DRC9: variants seen among roughly 807,000 people sequenced by gnomAD.
DRC9 encodes dynein regulatory complex subunit 9.
At chr3:197,940,139 C>T in the DRC9 span, among the ~76,000 whole-genome samples, 1 of 151,598 alleles carries the variant, frequency 6.6e-6, no homozygotes, top group Non-Finnish European at 1.5e-5. Flanking sequence ...GATTACAGGC[C>T]CACACCATCA....
the DRC9 span, chr3:197,951,146 T>A: frequency 1.0e-4 from 169 of 1,613,980 alleles, no homozygotes; most frequent in Non-Finnish European, 1.4e-4. Flanking sequence ...GTTGTGTATC[T>A]TTTGTGTCTT....
chr3:197,926,829 C>G, the DRC9 span, among the ~76,000 whole-genome samples: 1 of 152,160 alleles, frequency 6.6e-6, no homozygotes, highest in Non-Finnish European at 1.5e-5. Context: ...TGGGGGTCAG[C>G]CTTGCACTGG....
the DRC9 span, among the ~76,000 whole-genome samples, chr3:197,941,269 CCTA>C: frequency 7.8e-6 from 1 of 128,236 alleles, no homozygotes; most frequent in African/African-American, 3.0e-5. Context: ...TCCCTCCCTT[CCTA>C]CCTTCCTCTC....
chr3:197,905,852 A>G, the DRC9 span, among the ~76,000 whole-genome samples: 1 of 152,154 alleles, frequency 6.6e-6, no homozygotes, highest in Non-Finnish European at 1.5e-5. Flanking sequence ...TAACATATTA[A>G]AGAAGAGAAA....
At chr3:197,900,546 A>T in the DRC9 span, among the ~76,000 whole-genome samples, 1 of 140,062 alleles carries the variant, frequency 7.1e-6, no homozygotes, top group African/African-American at 2.8e-5. The surrounding 1 kb of genome is among the most constrained non-coding windows in gnomAD (Gnocchi z 4.7). Context: ...ACACCAGCTC[A>T]GCCACAGCAG....
At chr3:197,893,174 G>A in the DRC9 span, among the ~76,000 whole-genome samples, 1 of 151,758 alleles carries the variant, frequency 6.6e-6, no homozygotes, top group Non-Finnish European at 1.5e-5. Context: ...TCTGACCAAC[G>A]TGGAGAAGCC....
the DRC9 span, among the ~76,000 whole-genome samples, chr3:197,930,995 C>T: frequency 6.7e-6 from 1 of 150,346 alleles, no homozygotes; most frequent in Non-Finnish European, 1.5e-5. Flanking sequence ...GATTGTGCCA[C>T]TGCACTCCAG....
chr3:197,954,168 A>G, the DRC9 span: 1 of 1,613,694 alleles, frequency 6.2e-7, no homozygotes, highest in South Asian at 1.1e-5. Context: ...TTTTTAGCAA[A>G]ATGGACGTCT....
At chr3:197,952,950 A>G in the DRC9 span, among the ~76,000 whole-genome samples, 2 of 150,214 alleles carry the variant, frequency 1.3e-5, no homozygotes, top group Non-Finnish European at 3.0e-5. Context: ...ACAGGCGCGC[A>G]CCACCACACC....
At chr3:197,913,770 G>C in the DRC9 span, 1 of 1,135,678 alleles carries the variant, frequency 8.8e-7, no homozygotes, top group South Asian at 1.2e-5. Flanking sequence ...GGCTGTTGCC[G>C]ATAGAGATGG....
the DRC9 span, chr3:197,951,623 G>C: frequency 3.2e-5 from 12 of 374,438 alleles, no homozygotes; most frequent in African/African-American, 1.9e-4. Context: ...AAAGTGCTGA[G>C]ATTACAGGCT....
At chr3:197,953,370 T>A in the DRC9 span, 13 of 451,322 alleles carry the variant, frequency 2.9e-5, no homozygotes, top group Non-Finnish European at 5.8e-5. Flanking sequence ...GACAACCCCG[T>A]GGTCTTTAAA....
chr3:197,895,058 T>TA, the DRC9 span, among the ~76,000 whole-genome samples: 40 of 147,562 alleles, frequency 2.7e-4, no homozygotes, highest in African/African-American at 2.7e-4. Context: ...CCCAGTCTCT[T>TA]AAAAAAAAAA....
the DRC9 span, chr3:197,938,538 C>T: frequency 6.3e-7 from 1 of 1,595,544 alleles, no homozygotes; most frequent in Non-Finnish European, 8.6e-7. Flanking sequence ...CAAATGTCTT[C>T]CTTCCTTACC....
the DRC9 span, chr3:197,932,226 C>T: frequency 6.2e-7 from 1 of 1,613,586 alleles, no homozygotes; most frequent in South Asian, 1.1e-5. Context: ...TTGCTCAAAG[C>T]TTGCAGGAGA....
At chr3:197,941,449 ATCCCCCTCCCTCCTCACCCTTC>A in the DRC9 span, among the ~76,000 whole-genome samples, 1 of 8,504 alleles carries the variant, frequency 1.2e-4, no homozygotes, top group African/African-American at 5.4e-4. Flanking sequence ...CTCCTCTCCC[ATCCCCCTCCCTCCTCACCCTTC>A]CCCCTCCCCC....
chr3:197,953,062 G>A, the DRC9 span, among the ~76,000 whole-genome samples: 1 of 152,144 alleles, frequency 6.6e-6, no homozygotes, highest in African/African-American at 2.4e-5. Context: ...GCCTCCCAAA[G>A]TGCTGGGATT....
chr3:197,933,893 C>T, the DRC9 span, among the ~76,000 whole-genome samples: 1 of 149,740 alleles, frequency 6.7e-6, no homozygotes, highest in Non-Finnish European at 1.5e-5. Flanking sequence ...TCACTGCAAC[C>T]TCTGCCTCCT....
the DRC9 span, among the ~76,000 whole-genome samples, chr3:197,945,420 C>T: frequency 6.6e-6 from 1 of 152,154 alleles, no homozygotes; most frequent in Non-Finnish European, 1.5e-5. Context: ...CAGGAGAGAC[C>T]TCAAGCCAGC....
Sources: gnomAD v4.1 joint callset for allele counts (sites outside exome capture counted in the v4.1 genomes callset) on GRCh38, gnomAD v4.1.1 for gene constraint, Gnocchi (gnomAD v3.1) non-coding constraint, MANE v1.5 for transcripts, NCBI Gene and HGNC (gene_info 2026-07-23, HGNC 2026-07-21) for gene names.